The following ABLIM2 variants were observed in gnomAD, a reference collection of about 807,000 sequenced individuals.
ABLIM2 encodes the protein actin binding LIM protein family member 2.
A neutral mutation model predicts 97.7 loss-of-function variants in ABLIM2; 53 were observed. That is an observed-to-expected ratio of 0.54 (90% confidence interval 0.44 to 0.68). The LOEUF (loss-of-function observed/expected upper bound fraction) is 0.68. Ranked by LOEUF, ABLIM2 falls within the 30% of genes least tolerant of loss-of-function variation. The pLI, the probability that ABLIM2 is intolerant of heterozygous loss-of-function variation, is 0.00. For synonymous variants in ABLIM2, 361 were observed against 345.8 expected (o/e 1.04, Z -0.49); for missense variants, 835 against 867.2 (o/e 0.96, Z 0.47).
chr4:8,063,597 TG>T (rs1804912477), intron 6 of ABLIM2, among the ~76,000 whole-genome samples: 2 of 152,234 alleles, frequency 1.3e-5, no homozygotes, highest in African/African-American at 4.8e-5. Flanking sequence ...TCCAGGAGCC[TG>T]GCCCCCGAGT....
At chr4:8,111,880 T>C (rs922166522) in intron 1 of ABLIM2, among the ~76,000 whole-genome samples, 2 of 150,298 alleles carry the variant, frequency 1.3e-5, no homozygotes, top group East Asian at 2.0e-4. Context: ...TGAGCCAAGA[T>C]TGTGCCACAG....
intron 1 of ABLIM2, among the ~76,000 whole-genome samples, chr4:8,107,748 A>G (rs779252263): frequency 6.6e-6 from 1 of 152,206 alleles, no homozygotes; most frequent in Non-Finnish European, 1.5e-5. Flanking sequence ...ATGCTTTCTG[A>G]CATGGCCAGA....
rs1757773905 is a variant in ABLIM2 at position 8,002,313 on chromosome 4, A to G, written c.1618+5746T>C. Among the ~76,000 whole-genome samples the G allele has an allele frequency of 6.6e-6, 1 of 152,034 alleles. No homozygotes were observed. Among genetic ancestry groups the G allele is most frequent in the Non-Finnish European group, 1.5e-5 (1 of 67,994 alleles). ...GGTGGCCTCTGCCGGCCTGCACCAGAGCCAACCCAGTGTCTTCTTTGATTC... is the reference window on the plus strand; with the variant it reads ...GGTGGCCTCTGCCGGCCTGCACCAGGGCCAACCCAGTGTCTTCTTTGATTC... On this transcript the variant is annotated intron_variant, in intron 16 of 20. Transcript: ENST00000447017. This position sits in a 1 kb window ranked among gnomAD's most constrained non-coding sequence, Gnocchi z 6.1.
At chr4:7,967,152 G>A (rs1321028780) in intron 20 of ABLIM2, 49 bp from the exon 21 acceptor site, 9 of 1,503,498 alleles carry the variant, frequency 6.0e-6, no homozygotes, top group Non-Finnish European at 7.4e-6. Flanking sequence ...CACGCAGCAA[G>A]GGACACCATT....
In ABLIM2 at chr4:8,155,049, C is replaced by A. The variant is rs1254618492; in HGVS notation, c.10+3631G>T. Among the ~76,000 whole-genome samples, 1 of 152,236 alleles carries A rather than the reference C, an allele frequency of 6.6e-6. No individual in the cohort carries two copies. The highest frequency in any genetic ancestry group is 1.5e-5 in the Non-Finnish European group (1 of 68,052). On this transcript the variant is annotated intron_variant, in intron 1 of 20. Coordinates refer to ENST00000447017, the MANE Select transcript of ABLIM2 (RefSeq NM_001130083.2). This position sits in a 1 kb window ranked among gnomAD's most constrained non-coding sequence, Gnocchi z 4.2. ...AACCACCCCTGTGATTCAATTATCTCCACCTGGCCCTGCCCTTGACACGTG... is the reference window on the plus strand; with the variant it reads ...AACCACCCCTGTGATTCAATTATCTACACCTGGCCCTGCCCTTGACACGTG...
In ABLIM2 at chr4:8,158,786, C is replaced by CG; in HGVS notation, c.-98dup. Reference sequence around the variant, plus strand: ...CCCGCGCTATCCTCCGCCCGCCCGCCGGCTCCGCGCCCGCTCCTTGCGCAC... The same window carrying CG: ...CCCGCGCTATCCTCCGCCCGCCCGCCGGGCTCCGCGCCCGCTCCTTGCGCAC... On this transcript the variant is annotated 5_prime_UTR_variant, in exon 1 of 21. Transcript: ENST00000447017. The CG allele has an allele frequency of 8.8e-7, 1 of 1,137,470 alleles. No homozygotes were observed. The highest frequency in any genetic ancestry group is 1.1e-6 in the Non-Finnish European group (1 of 902,770). 70.5% of individuals were successfully genotyped at this position (1,137,470 alleles called of 1,614,324 possible).
intron 7 of ABLIM2, among the ~76,000 whole-genome samples, chr4:8,055,581 T>C (rs1368989575): frequency 1.3e-5 from 2 of 152,188 alleles, no homozygotes; most frequent in Non-Finnish European, 2.9e-5. Context: ...GACTTGTGTA[T>C]CCCACAAAAA....
intron 1 of ABLIM2, among the ~76,000 whole-genome samples, chr4:8,145,344 CAG>C (rs1222735379): frequency 6.6e-6 from 1 of 152,042 alleles, no homozygotes; most frequent in Non-Finnish European, 1.5e-5. Context: ...CCACCACGCC[CAG>C]CTAATTTTTG....
chr4:8,037,813 G>A (rs1560842925), intron 9 of ABLIM2, among the ~76,000 whole-genome samples: 1 of 152,242 alleles, frequency 6.6e-6, no homozygotes, highest in Admixed American at 6.5e-5. Context: ...GGCCTACCCT[G>A]GCCCACAGTG....
At chr4:7,980,404 T>A (rs921640145) in intron 20 of ABLIM2, among the ~76,000 whole-genome samples, 46 of 152,082 alleles carry the variant, frequency 3.0e-4, no homozygotes, top group African/African-American at 1.0e-3. Context: ...AAATATATAT[T>A]TTTTGGCATA....
rs549509481 is a variant in ABLIM2 at position 7,965,868 on chromosome 4, A to G, written c.*1122T>C. The G allele has an allele frequency of 7.9e-5, 12 of 152,134 alleles. No individual in the cohort carries two copies. The highest frequency in any genetic ancestry group is 2.9e-4 in the African/African-American group (12 of 41,368). 9.4% of individuals were successfully genotyped at this position (152,134 alleles called of 1,614,324 possible). Reference sequence around the variant, plus strand: ...TCAGGGAGCACATCGCTCCTGGGGCATGTGGGGTTTATGTTTCAGGCTGAG... The same window carrying G: ...TCAGGGAGCACATCGCTCCTGGGGCGTGTGGGGTTTATGTTTCAGGCTGAG... On this transcript the variant is annotated 3_prime_UTR_variant, in exon 21 of 21. Transcript: ENST00000447017.
At chr4:7,991,966 G>A (rs573579651) in intron 17 of ABLIM2, among the ~76,000 whole-genome samples, 1 of 152,180 alleles carries the variant, frequency 6.6e-6, no homozygotes, top group African/African-American at 2.4e-5. Flanking sequence ...GCAACAAAGA[G>A]GGGGCCAGTT....
rs1387469155 is a variant in ABLIM2, at chr4:8,068,424, A to C, written c.676-7370T>G. ...TGCTGGGTCAGAGGGCAGCGGTTTA[A>C]GGGACGTCCCCACTGTGACGTGCAG... On this transcript the variant is annotated intron_variant, in intron 6 of 20. Coordinates refer to ENST00000447017, the MANE Select transcript of ABLIM2 (RefSeq NM_001130083.2). This position sits in a 1 kb window ranked among gnomAD's most constrained non-coding sequence, Gnocchi z 4.5. Among the ~76,000 whole-genome samples the C allele has an allele frequency of 2.6e-5, 4 of 152,176 alleles. No homozygotes were observed. Among genetic ancestry groups the C allele is most frequent in the African/African-American group, 7.2e-5 (3 of 41,440 alleles).
chr4:8,073,658 A>G (rs1202482143), intron 6 of ABLIM2, among the ~76,000 whole-genome samples: 1 of 152,216 alleles, frequency 6.6e-6, no homozygotes, highest in African/African-American at 2.4e-5. Context: ...ATCGCCACCC[A>G]GGAAAATACT....
intron 5 of ABLIM2, among the ~76,000 whole-genome samples, chr4:8,078,751 T>C (rs1817891428): frequency 6.6e-6 from 1 of 152,104 alleles, no homozygotes; most frequent in African/African-American, 2.4e-5. Context: ...ATGGGGGAAA[T>C]AATAGTAAGG....
intron 20 of ABLIM2, among the ~76,000 whole-genome samples, chr4:7,976,848 TACAC>T (rs1229367933): frequency 6.6e-6 from 1 of 151,758 alleles, no homozygotes; most frequent in Admixed American, 6.6e-5. Flanking sequence ...CACACACATA[TACAC>T]ACATACACGT....
chr4:8,066,281 G>C (rs896308686), intron 6 of ABLIM2, among the ~76,000 whole-genome samples: 26 of 147,648 alleles, frequency 1.8e-4, no homozygotes, highest in African/African-American at 6.2e-4. Context: ...ACTCCAGCCT[G>C]GGCAACAGAG....
chr4:8,100,362 T>C (rs1255260158), intron 2 of ABLIM2, among the ~76,000 whole-genome samples: 1 of 152,180 alleles, frequency 6.6e-6, no homozygotes, highest in Non-Finnish European at 1.5e-5. Context: ...TGTGTGACCT[T>C]GACCAAGTTA....
chr4:7,998,569 C>A lies in ABLIM2; in HGVS notation c.1619-5642G>T. ...TGCCTGCCACGGGTGGAGACCATGC[C>A]CCTGGGTTCACTCCCAGGACTGCGG... On this transcript the variant is annotated intron_variant, in intron 16 of 20. Coordinates refer to ENST00000447017, the MANE Select transcript of ABLIM2 (RefSeq NM_001130083.2). The surrounding 1 kb of genome is among the most constrained non-coding windows in gnomAD (Gnocchi z 6.4). 1 of 465,534 alleles carries A rather than the reference C, an allele frequency of 2.1e-6. No individual in the cohort carries two copies. The allele number at this position is 465,534 out of a possible 1,614,324, so 28.8% of individuals were successfully genotyped here.
Sources: allele counts gnomAD v4.1 joint callset (sites outside exome capture counted in the v4.1 genomes callset), GRCh38; gene constraint gnomAD v4.1.1; non-coding constraint Gnocchi (gnomAD v3.1); transcripts MANE v1.5; gene names NCBI Gene and HGNC (gene_info 2026-07-23, HGNC 2026-07-21).